The following LAPTM4B variants were observed in gnomAD, a reference collection of about 807,000 sequenced individuals.
LAPTM4B encodes lysosomal-associated transmembrane protein 4B.
Under a neutral mutation model 28.5 loss-of-function variants are expected in LAPTM4B, and 26 were observed. The observed-to-expected ratio is 0.91, with a 90% CI of 0.67 to 1.27. LAPTM4B has a LOEUF of 1.27. Among genes scored for constraint, LAPTM4B ranks in the 50% most tolerant of loss-of-function variants. The probability of loss-of-function intolerance (pLI) is 0.00; values close to 1 mark genes in which losing one functional copy is unlikely to be tolerated. For synonymous variants in LAPTM4B, 109 were observed against 106.4 expected (o/e 1.02, Z -0.15); for missense variants, 288 against 285.8 (o/e 1.01, Z -0.06).
intron 1 of LAPTM4B, among the ~76,000 whole-genome samples, chr8:97,782,424 C>T (rs1401986077): frequency 6.6e-6 from 1 of 151,114 alleles, no homozygotes; most frequent in Non-Finnish European, 1.5e-5. Context: ...AGGCTCACAC[C>T]ACCACTCCAC....
intron 4 of LAPTM4B, among the ~76,000 whole-genome samples, chr8:97,818,283 TC>T (rs1389617044): frequency 6.6e-6 from 1 of 152,226 alleles, no homozygotes; most frequent in African/African-American, 2.4e-5. Flanking sequence ...TCCATGTTCT[TC>T]CTCAACATTG....
At position 97,781,278 on chromosome 8, in the gene LAPTM4B, CTTTTTTT is replaced by C. The variant is rs71271147; in HGVS notation, c.99+5185_99+5191del. Among the ~76,000 whole-genome samples, 132 of 50,840 alleles carry C rather than the reference CTTTTTTT, an allele frequency of 2.6e-3. 4 individuals carry two copies. Among genetic ancestry groups the C allele is most frequent in the African/African-American group, 0.013 (121 of 9,048 alleles). The allele number at this position is 50,840 out of a possible 152,430, so 33.4% of individuals were successfully genotyped here. A position where few individuals can be genotyped will look rare whatever the true frequency, so the allele number is the denominator to read the frequency against. On this transcript the variant is annotated intron_variant, in intron 1 of 6. Coordinates refer to ENST00000521545, the MANE Select transcript of LAPTM4B (RefSeq NM_018407.6). The stretch of plus-strand genomic sequence containing the variant: ...ACAGGCGTGAGCCACTGTGCCCGGC[CTTTTTTT>C]TTTTTTTTTTTTTTGAGGAGTTTTG...
rs150569121 is a variant in LAPTM4B at position 97,851,452 on chromosome 8, C to T, written c.659C>T (p.Pro220Leu). 4.1e-5 allele frequency: 66 copies of T among 1,613,886 alleles called. 1 individual carries two copies. Among genetic ancestry groups the T allele is most frequent in the South Asian group, 2.4e-4 (22 of 91,078 alleles). ...GTGAATGGTGCTGCCAAGGAGCCAC[C>T]GCCACCTTACGTGTCTGCCTAAGCC... ...ATVNGAAKEP[P>L]PPYVSA The change falls in exon 7 of 7, where the codon CCG (proline) becomes CTG (leucine). Residue 220 changes from proline to leucine, a missense_variant. Pro to Leu is a moderately conservative substitution (Grantham distance 98). Coordinates refer to ENST00000521545, the MANE Select transcript of LAPTM4B (RefSeq NM_018407.6).
At position 97,775,807 on chromosome 8, in the gene LAPTM4B, T is replaced by G. The variant is rs1407922561; in HGVS notation, c.-203T>G. On this transcript the variant is annotated 5_prime_UTR_variant, in exon 1 of 7. Transcript: ENST00000521545. ...CTCCCCGTCCCCGCCGCTGCAGCGG[T>G]CGCCTTCGGAGCGAAGGGTACCGAC... 10 of 1,569,618 alleles carry G rather than the reference T, an allele frequency of 6.4e-6. No homozygotes were observed. Among genetic ancestry groups the G allele is most frequent in the Non-Finnish European group, 8.6e-6 (10 of 1,164,778 alleles).
chr8:97,825,366 A>G (rs1379302895), intron 6 of LAPTM4B, among the ~76,000 whole-genome samples: 5 of 152,222 alleles, frequency 3.3e-5, no homozygotes, highest in African/African-American at 1.2e-4. Context: ...TAAAATGTAG[A>G]TGGCTCAACT....
At chr8:97,826,776 C>T (rs568026244) in intron 6 of LAPTM4B, among the ~76,000 whole-genome samples, 1 of 152,264 alleles carries the variant, frequency 6.6e-6, no homozygotes, top group African/African-American at 2.4e-5. Context: ...CCCAAAGTGC[C>T]AGGATTACAG....
intron 5 of LAPTM4B, among the ~76,000 whole-genome samples, chr8:97,820,811 C>T (rs1294222555): frequency 6.6e-6 from 1 of 151,940 alleles, no homozygotes; most frequent in East Asian, 2.0e-4. Flanking sequence ...TCACTGCAAC[C>T]TCTGCCTCCT....
At position 97,805,462 on chromosome 8, in the gene LAPTM4B, C is replaced by A; in HGVS notation, c.209C>A (p.Ala70Asp). ...LGGDFEFMDDANMCIAIAISL... is the reference protein window; with the variant it reads ...LGGDFEFMDDDNMCIAIAISL... Reference sequence around the variant, plus strand: ...GGTGACTTTGAGTTCATGGATGATGCCAGTAAGTAGTAGATATTTGGGTAT... The same window carrying A: ...GGTGACTTTGAGTTCATGGATGATGACAGTAAGTAGTAGATATTTGGGTAT... Residue 70 changes from alanine (A) to aspartate (D), a missense_variant and splice_region_variant, in exon 2 of 7, where the codon GCC (alanine) becomes GAC (aspartate). By Grantham distance (126) the Ala-to-Asp change is moderately radical. Coordinates refer to ENST00000521545, the MANE Select transcript of LAPTM4B (RefSeq NM_018407.6). 5 of 1,552,934 alleles carry A rather than the reference C, an allele frequency of 3.2e-6. No individual in the cohort carries two copies. Among genetic ancestry groups the A allele is most frequent in the Non-Finnish European group, 4.4e-6 (5 of 1,125,780 alleles).
intron 1 of LAPTM4B, among the ~76,000 whole-genome samples, chr8:97,785,608 A>C (rs1816387635): frequency 6.6e-6 from 1 of 152,228 alleles, no homozygotes; most frequent in Admixed American, 6.5e-5. Context: ...CACACAGATT[A>C]GCAGCAGTTA....
intron 6 of LAPTM4B, among the ~76,000 whole-genome samples, chr8:97,847,346 A>G (rs1817449665): frequency 6.6e-6 from 1 of 152,230 alleles, no homozygotes. Flanking sequence ...ATGTTTATCT[A>G]GGTGCTCCTT....
intron 1 of LAPTM4B, among the ~76,000 whole-genome samples, chr8:97,787,763 G>A (rs1816426744): frequency 2.0e-5 from 3 of 152,078 alleles, no homozygotes. Context: ...TTACCCGCAT[G>A]TTTGCATCCC....
intron 5 of LAPTM4B, among the ~76,000 whole-genome samples, chr8:97,820,852 A>T (rs1816992054): frequency 6.6e-6 from 1 of 151,806 alleles, no homozygotes; most frequent in African/African-American, 2.4e-5. Context: ...CCTCAGTCTC[A>T]CGAGTAGCTG....
At chr8:97,829,699 T>C (rs1183042397) in intron 6 of LAPTM4B, among the ~76,000 whole-genome samples, 3 of 151,398 alleles carry the variant, frequency 2.0e-5, no homozygotes, top group Admixed American at 1.3e-4. Context: ...CTTTCTTCTT[T>C]TTTTTTTTTG....
In LAPTM4B at chr8:97,805,782, T is replaced by C. The variant is rs559416665; in HGVS notation, c.211+318T>C. On this transcript the variant is annotated intron_variant, in intron 2 of 6. Transcript: ENST00000521545. Reference sequence around the variant, plus strand: ...AGGAAGGTGAAAAGGCTTGTGCTTATCTCCTTGTGTCTTCTATTATGTTTC... The same window carrying C: ...AGGAAGGTGAAAAGGCTTGTGCTTACCTCCTTGTGTCTTCTATTATGTTTC... Among the ~76,000 whole-genome samples the C allele has an allele frequency of 7.0e-4, 106 of 152,320 alleles. 1 individual carries two copies. The South Asian group carries it at 0.021, about 30-fold the overall frequency.
intron 6 of LAPTM4B, among the ~76,000 whole-genome samples, chr8:97,831,468 T>C (rs1817181887): frequency 6.6e-6 from 1 of 151,554 alleles, no homozygotes; most frequent in Non-Finnish European, 1.5e-5. Flanking sequence ...CCTTGGGGAG[T>C]AGTAGAGTGG....
intron 1 of LAPTM4B, among the ~76,000 whole-genome samples, chr8:97,790,612 A>AT (rs1403632526): frequency 1.3e-5 from 2 of 151,750 alleles, no homozygotes; most frequent in Non-Finnish European, 2.9e-5. Flanking sequence ...CCTGGCCTTA[A>AT]TTTTTGTATT....
intron 6 of LAPTM4B, among the ~76,000 whole-genome samples, chr8:97,830,991 G>T (rs1478270484): frequency 2.6e-5 from 4 of 152,146 alleles, no homozygotes; most frequent in Non-Finnish European, 1.5e-5. Context: ...ATACCCTGTG[G>T]GTTCTTGAAG....
intron 1 of LAPTM4B, among the ~76,000 whole-genome samples, chr8:97,797,233 G>T (rs1302702779): frequency 2.6e-5 from 4 of 151,126 alleles, no homozygotes; most frequent in Non-Finnish European, 4.4e-5. Context: ...TTCCCAGGTT[G>T]AAGCGATTCT....
At chr8:97,846,485 G>A (rs1220077246) in intron 6 of LAPTM4B, among the ~76,000 whole-genome samples, 4 of 151,986 alleles carry the variant, frequency 2.6e-5, no homozygotes, top group Admixed American at 6.6e-5. Context: ...GCGCCACCAC[G>A]CCCAGCTAAC....
Sources: allele counts gnomAD v4.1 joint callset (sites outside exome capture counted in the v4.1 genomes callset), GRCh38; gene constraint gnomAD v4.1.1; transcripts MANE v1.5; gene names NCBI Gene and HGNC (gene_info 2026-07-23, HGNC 2026-07-21).